ZBTB43: variants seen among roughly 807,000 people sequenced by gnomAD.
ZBTB43 encodes the protein zinc finger and BTB domain containing 43.
ZBTB43 carries 6 observed loss-of-function variants against 31.1 expected under a neutral mutation model. The observed-to-expected ratio is 0.19, with a 90% CI of 0.11 to 0.38. ZBTB43 has a LOEUF of 0.38. ZBTB43 is among the 10% of genes least tolerant of loss of function. The pLI, the probability that ZBTB43 is intolerant of heterozygous loss-of-function variation, is 1.00. For missense variants in ZBTB43, 379 were observed against 602.1 expected, an observed-to-expected ratio of 0.63 and a Z score of 3.88; for synonymous variants, 212 against 221.7, an observed-to-expected ratio of 0.96 and a Z score of 0.39.
At chr9:126,830,823 A>G (rs2032748276) in intron 2 of ZBTB43, among the ~76,000 whole-genome samples, 1 of 142,510 alleles carries the variant, frequency 7.0e-6, no homozygotes, top group African/African-American at 3.1e-5. Context: ...CTTGTGTGCC[A>G]TTGTTAGGAA....
chr9:126,831,103 G>T (rs1232306131), intron 2 of ZBTB43, among the ~76,000 whole-genome samples: 1 of 152,176 alleles, frequency 6.6e-6, no homozygotes, highest in East Asian at 1.9e-4. Flanking sequence ...GGGCCTGAGT[G>T]ACTGTGCCCC....
intron 2 of ZBTB43, among the ~76,000 whole-genome samples, chr9:126,827,006 G>C (rs1248711717): frequency 6.6e-6 from 1 of 152,188 alleles, no homozygotes; most frequent in Non-Finnish European, 1.5e-5. Flanking sequence ...TGGACATTTG[G>C]AGTATGATAC....
chr9:126,822,914 A>G (rs1223510055), intron 2 of ZBTB43, among the ~76,000 whole-genome samples: 3 of 120,124 alleles, frequency 2.5e-5, no homozygotes, highest in Non-Finnish European at 3.7e-5. Context: ...GTATTTTTAA[A>G]TTAAGGTGAG....
intron 2 of ZBTB43, among the ~76,000 whole-genome samples, chr9:126,827,670 T>C (rs954757240): frequency 6.6e-6 from 1 of 152,238 alleles, no homozygotes; most frequent in Admixed American, 6.5e-5. Flanking sequence ...TTGTGGCATT[T>C]ATTTTTTTAG....
At chr9:126,811,217 CAAAA>C (rs370772691) in intron 2 of ZBTB43, among the ~76,000 whole-genome samples, 4 of 86,652 alleles carry the variant, frequency 4.6e-5, no homozygotes, top group Non-Finnish European at 7.2e-5. Flanking sequence ...GACTCCATCT[CAAAA>C]AAAAAAAAAA....
At chr9:126,804,787 T>G (rs1167973569), upstream of ZBTB43, among the ~76,000 whole-genome samples, 1 of 152,164 alleles carries the variant, frequency 6.6e-6, no homozygotes, top group Non-Finnish European at 1.5e-5. Context: ...GCCTGGCCTA[T>G]GCCAAGGTTT....
chr9:126,824,345 A>G (rs562416632), intron 2 of ZBTB43, among the ~76,000 whole-genome samples: 2 of 152,180 alleles, frequency 1.3e-5, no homozygotes, highest in Non-Finnish European at 2.9e-5. Flanking sequence ...TAATATTTAC[A>G]TAAGTAGTTA....
Position 126,821,691 on chromosome 9 carries a change from G to A in ZBTB43, c.-23-10796G>A, listed in dbSNP as rs188783706. Among the ~76,000 whole-genome samples the A allele has an allele frequency of 4.0e-3, 614 of 152,274 alleles. 3 individuals are homozygous for A. The highest frequency in any genetic ancestry group is 7.5e-3 in the Non-Finnish European group (508 of 68,014). On this transcript the variant is annotated intron_variant, in intron 2 of 2. Transcript: ENST00000373464. ...TTCTTAGGGATGAGCAAAGAAAATG[G>A]TTTCTTGAAATGGACTCTACTCCTG...
upstream of ZBTB43, among the ~76,000 whole-genome samples, chr9:126,804,823 G>C (rs1235960476): frequency 6.6e-6 from 1 of 152,224 alleles, no homozygotes; most frequent in Non-Finnish European, 1.5e-5. Context: ...CTCAGTATCT[G>C]CTCCCCTATT....
At chr9:126,831,606 C>G (rs2032764571) in intron 2 of ZBTB43, 1 of 151,680 alleles carries the variant, frequency 6.6e-6, no homozygotes, top group Non-Finnish European at 1.5e-5. Flanking sequence ...TCAAGACGAA[C>G]CTGGGCAAAA....
upstream of ZBTB43, among the ~76,000 whole-genome samples, chr9:126,804,822 T>C (rs576985617): frequency 4.6e-5 from 7 of 152,348 alleles, no homozygotes; most frequent in South Asian, 8.3e-4. Context: ...ACTCAGTATC[T>C]GCTCCCCTAT....
chr9:126,809,985 C>T (rs545351417), intron 2 of ZBTB43, among the ~76,000 whole-genome samples: 1 of 151,642 alleles, frequency 6.6e-6, no homozygotes, highest in East Asian at 2.0e-4. Context: ...CAGGTGCCGG[C>T]CACCACACCC....
At chr9:126,818,152 T>TC (rs1292693007) in intron 2 of ZBTB43, among the ~76,000 whole-genome samples, 1 of 148,870 alleles carries the variant, frequency 6.7e-6, no homozygotes, top group African/African-American at 2.5e-5. Flanking sequence ...GGACAGAATC[T>TC]CCCTCTGTCA....
At chr9:126,828,521 A>C (rs970729043) in intron 2 of ZBTB43, among the ~76,000 whole-genome samples, 2 of 150,068 alleles carry the variant, frequency 1.3e-5, no homozygotes, top group Non-Finnish European at 3.0e-5. Context: ...GGCCAGGTGC[A>C]ATGGCTTATA....
At position 126,833,079 on chromosome 9, in the gene ZBTB43, C is replaced by T. The variant is rs772280477; in HGVS notation, c.570C>T (p.Thr190=). The T allele has an allele frequency of 9.9e-6, 16 of 1,613,882 alleles. No homozygotes were observed. Among genetic ancestry groups the T allele is most frequent in the East Asian group, 2.2e-5 (1 of 44,880 alleles). ...STKDELSSQL[T]EHEYLPSNSS... ...AAGACGAGCTGTCATCCCAGCTCAC[C>T]GAGCACGAATACCTGCCCAGCAACT... The change falls in exon 3 of 3, where the codon ACC becomes ACT. Residue 190 remains threonine, a synonymous_variant. Transcript: ENST00000373464. This position sits in a 1 kb window ranked among gnomAD's most constrained non-coding sequence, Gnocchi z 7.9.
chr9:126,827,246 T>C (rs573965052), intron 2 of ZBTB43, among the ~76,000 whole-genome samples: 19 of 152,356 alleles, frequency 1.2e-4, no homozygotes, highest in Non-Finnish European at 2.2e-4. Flanking sequence ...GATGTAGGTG[T>C]AGGTGTTTTA....
At chr9:126,826,393 C>T (rs2032636994) in intron 2 of ZBTB43, among the ~76,000 whole-genome samples, 1 of 151,382 alleles carries the variant, frequency 6.6e-6, no homozygotes, top group East Asian at 2.0e-4. Flanking sequence ...GTGATCCACC[C>T]ACCTTGACCT....
At position 126,817,197 on chromosome 9, in the gene ZBTB43, G is replaced by A. The variant is rs10987491; in HGVS notation, c.-24+8282G>A. ...GGCAGTCACAGCTCACTGCAGCCTCGACCTCCCCTGTTCAAGAGATTTCCC... is the reference window on the plus strand; with the variant it reads ...GGCAGTCACAGCTCACTGCAGCCTCAACCTCCCCTGTTCAAGAGATTTCCC... On this transcript the variant is annotated intron_variant, in intron 2 of 2. Coordinates refer to ENST00000373464, the MANE Select transcript of ZBTB43 (RefSeq NM_014007.4). Among the ~76,000 whole-genome samples the A allele has an allele frequency of 0.024, 3,190 of 134,332 alleles. 416 individuals carry two copies. The East Asian group carries it at 0.42, about 18-fold the overall frequency. 88.1% of individuals were successfully genotyped at this position (134,332 alleles called of 152,430 possible).
intron 2 of ZBTB43, among the ~76,000 whole-genome samples, chr9:126,815,297 TAA>T (rs1260736263): frequency 3.3e-4 from 46 of 139,914 alleles, no homozygotes; most frequent in African/African-American, 1.3e-3. Context: ...TTTCAATATA[TAA>T]AACTATATAT....
Sources: gnomAD v4.1 joint callset for allele counts (sites outside exome capture counted in the v4.1 genomes callset) on GRCh38, gnomAD v4.1.1 for gene constraint, Gnocchi (gnomAD v3.1) non-coding constraint, MANE v1.5 for transcripts, NCBI Gene and HGNC (gene_info 2026-07-23, HGNC 2026-07-21) for gene names.